The following KCNQ5 variants were observed in gnomAD, a reference collection of about 807,000 sequenced individuals.
KCNQ5 encodes potassium voltage-gated channel subfamily KQT member 5.
In KCNQ5, 30 loss-of-function variants were observed where a neutral mutation model predicts 98.2. That is an observed-to-expected ratio of 0.31 (90% CI 0.23 to 0.41). KCNQ5 has a LOEUF of 0.41. Among genes scored for constraint, KCNQ5 ranks in the 10% least tolerant of loss-of-function variants. KCNQ5 has a pLI of 1.00. For missense variants in KCNQ5, 835 were observed against 1,182.5 expected, an observed-to-expected ratio of 0.71 and a Z score of 4.31; for synonymous variants, 458 against 449.4, an observed-to-expected ratio of 1.02 and a Z score of -0.24.
chr6:73,069,957 T>C (rs943830655), intron 3 of KCNQ5, among the ~76,000 whole-genome samples: 3 of 152,076 alleles, frequency 2.0e-5, no homozygotes, highest in Non-Finnish European at 4.4e-5. Context: ...AAGAGAGAAG[T>C]AGCGTAGCCT....
At chr6:73,101,746 A>C (rs1455533112) in intron 5 of KCNQ5, among the ~76,000 whole-genome samples, 1 of 152,186 alleles carries the variant, frequency 6.6e-6, no homozygotes, top group Non-Finnish European at 1.5e-5. Flanking sequence ...AAAGATATTA[A>C]AGAGGATACA....
At chr6:72,650,656 G>T (rs568491161) in intron 1 of KCNQ5, among the ~76,000 whole-genome samples, 10 of 152,204 alleles carry the variant, frequency 6.6e-5, no homozygotes, top group Admixed American at 1.3e-4. Flanking sequence ...GGAGTGGGTA[G>T]GATATATGTA....
intron 3 of KCNQ5, among the ~76,000 whole-genome samples, chr6:73,068,648 G>A (rs1215835314): frequency 6.6e-6 from 1 of 152,140 alleles, no homozygotes; most frequent in Non-Finnish European, 1.5e-5. Context: ...AAGCAGCAGA[G>A]CCAGGATTGG....
intron 1 of KCNQ5, among the ~76,000 whole-genome samples, chr6:72,862,289 G>A (rs1450827428): frequency 6.6e-6 from 1 of 152,124 alleles, no homozygotes; most frequent in Non-Finnish European, 1.5e-5. Context: ...GAGTAAGTGA[G>A]GAGGCCATAA....
intron 1 of KCNQ5, among the ~76,000 whole-genome samples, chr6:72,845,853 T>G (rs538971794): frequency 4.6e-5 from 7 of 152,206 alleles, no homozygotes; most frequent in Non-Finnish European, 1.0e-4. Flanking sequence ...AAGTGGGCTG[T>G]CAGTAAAACT....
intron 1 of KCNQ5, among the ~76,000 whole-genome samples, chr6:72,754,882 T>A (rs976049221): frequency 6.6e-6 from 1 of 152,148 alleles, no homozygotes; most frequent in Admixed American, 6.6e-5. Context: ...ATTCTATAGA[T>A]TACTGGAAGA....
intron 1 of KCNQ5, among the ~76,000 whole-genome samples, chr6:72,970,509 G>C (rs891583949): frequency 1.3e-5 from 2 of 152,116 alleles, no homozygotes; most frequent in Admixed American, 6.5e-5. Flanking sequence ...TAGTACCAAA[G>C]CTAATTACCA....
rs1273983733 is a variant in KCNQ5, at chr6:73,112,409, G to A, written c.1125+1006G>A. Among the ~76,000 whole-genome samples, 26 of 151,306 alleles carry A rather than the reference G, an allele frequency of 1.7e-4. No homozygotes were observed. The East Asian group carries it at 1.9e-3, about 11-fold the overall frequency. ...CGCCCAGGCTGGAGTGCAGTGGTGC[G>A]ATCTCGGCTCACTGCAAGCTCCGCC... is the stretch of plus-strand genomic sequence containing the variant. On this transcript the variant is annotated intron_variant, in intron 7 of 13. Transcript: ENST00000370398.
chr6:73,176,770 GA>G (rs1259347593), intron 11 of KCNQ5, among the ~76,000 whole-genome samples: 2 of 152,156 alleles, frequency 1.3e-5, no homozygotes, highest in African/African-American at 2.4e-5. Context: ...GGCTTGAGGG[GA>G]GATGGTGCAT....
intron 2 of KCNQ5, among the ~76,000 whole-genome samples, chr6:73,030,217 A>T (rs1243293308): frequency 6.6e-6 from 1 of 152,194 alleles, no homozygotes; most frequent in Non-Finnish European, 1.5e-5. Flanking sequence ...ATATACTTTG[A>T]GGATAGTTAA....
At chr6:73,122,115 T>C (rs1775773833) in intron 8 of KCNQ5, among the ~76,000 whole-genome samples, 1 of 152,170 alleles carries the variant, frequency 6.6e-6, no homozygotes, top group Non-Finnish European at 1.5e-5. Flanking sequence ...AAACCGAAAA[T>C]AGAACCTAAC....
chr6:72,844,433 G>C (rs1485119043), intron 1 of KCNQ5, among the ~76,000 whole-genome samples: 1 of 152,112 alleles, frequency 6.6e-6, no homozygotes, highest in African/African-American at 2.4e-5. Context: ...TTATTCTCTA[G>C]ATCCATTCTA....
At chr6:73,072,497 G>A (rs1165910858) in intron 3 of KCNQ5, among the ~76,000 whole-genome samples, 2 of 152,176 alleles carry the variant, frequency 1.3e-5, no homozygotes, top group African/African-American at 2.4e-5. Context: ...AGCTTTGGAT[G>A]TAAATAATGA....
At chr6:72,755,086 A>G (rs1317542002) in intron 1 of KCNQ5, among the ~76,000 whole-genome samples, 1 of 151,820 alleles carries the variant, frequency 6.6e-6, no homozygotes, top group East Asian at 1.9e-4. Context: ...TTATTATGTA[A>G]TGTCTCTCTA....
intron 1 of KCNQ5, among the ~76,000 whole-genome samples, chr6:72,728,255 G>A (rs1770386966): frequency 6.6e-6 from 1 of 151,822 alleles, no homozygotes; most frequent in Admixed American, 6.6e-5. Context: ...GCTTACTTCT[G>A]TCTCATTTTG....
intron 1 of KCNQ5, among the ~76,000 whole-genome samples, chr6:72,730,693 T>C (rs1474894959): frequency 6.6e-6 from 1 of 152,204 alleles, no homozygotes; most frequent in Admixed American, 6.5e-5. Context: ...TGCAGTAGCT[T>C]CATATCATTT....
intron 1 of KCNQ5, among the ~76,000 whole-genome samples, chr6:72,658,016 G>GTATTC (rs1478142395): frequency 5.3e-5 from 8 of 152,128 alleles, no homozygotes; most frequent in Admixed American, 1.3e-4. Flanking sequence ...GCTATGTTTT[G>GTATTC]TATTCTGGGC....
chr6:72,868,697 C>T (rs760312771), intron 1 of KCNQ5, among the ~76,000 whole-genome samples: 53 of 152,280 alleles, frequency 3.5e-4, no homozygotes, highest in Non-Finnish European at 6.9e-4. Context: ...AACCAGTAAG[C>T]TCTATGAACA....
At chr6:72,788,745 A>G (rs1773883094) in intron 1 of KCNQ5, among the ~76,000 whole-genome samples, 1 of 152,150 alleles carries the variant, frequency 6.6e-6, no homozygotes, top group South Asian at 2.1e-4. Flanking sequence ...ATACCTATTC[A>G]TTTGTAGTCC....
Sources: gnomAD v4.1 joint callset for allele counts (sites outside exome capture counted in the v4.1 genomes callset) on GRCh38, gnomAD v4.1.1 for gene constraint, MANE v1.5 for transcripts, NCBI Gene and HGNC (gene_info 2026-07-23, HGNC 2026-07-21) for gene names.